The following PPP4R4 variants were observed in gnomAD, a reference collection of about 807,000 sequenced individuals.
The protein encoded by PPP4R4 is serine/threonine-protein phosphatase 4 regulatory subunit 4.
A neutral mutation model predicts 121.8 loss-of-function variants in PPP4R4; 70 were observed. The ratio of observed to expected loss-of-function variants is 0.57; its 90% CI spans 0.47 to 0.70. The LOEUF is 0.70. PPP4R4 is among the 30% of genes least tolerant of loss of function. The pLI, the probability that PPP4R4 is intolerant of heterozygous loss-of-function variation, is 0.00. For synonymous variants in PPP4R4, 348 were observed against 355.7 expected (o/e 0.98, Z 0.24); for missense variants, 875 against 1,033.6 (o/e 0.85, Z 2.10).
At chr14:94,176,228 T>C in intron 2 of PPP4R4, 101 bp downstream of exon 2, 2 of 997,700 alleles carry the variant, frequency 2.0e-6, no homozygotes, top group Non-Finnish European at 1.6e-6. Context: ...CAGATTTACT[T>C]AGCCACTTGA....
In PPP4R4 at chr14:94,174,555, C is replaced by G. The variant is rs778181112; in HGVS notation, c.90C>G (p.Ile30Met). 3.7e-6 allele frequency: 6 copies of G among 1,612,276 alleles called. No homozygotes were observed. The highest frequency in any genetic ancestry group is 5.1e-6 in the Non-Finnish European group (6 of 1,179,210). ...AGGACCTGCAGGAGCTCACCATCAT[C>G]GAGAGGCCGGTCCGCCGGAGCCTCA... ...YMEDLQELTI[I>M]ERPVRRSLKT... Residue 30 changes from isoleucine (I) to methionine (M), a missense_variant, in exon 1 of 25, where the codon ATC (isoleucine) becomes ATG (methionine). Physicochemically the swap from Ile to Met is conservative, Grantham distance 10. Transcript: ENST00000304338.
At chr14:94,259,164 A>C in intron 18 of PPP4R4, 131 bp from the exon 19 acceptor site, 2 of 1,417,898 alleles carry the variant, frequency 1.4e-6, no homozygotes, top group Non-Finnish European at 1.9e-6. Flanking sequence ...TGTGGGAATT[A>C]GGGGAGCTAC....
intron 24 of PPP4R4, among the ~76,000 whole-genome samples, chr14:94,277,051 C>T (rs1044897006): frequency 6.6e-6 from 1 of 152,172 alleles, no homozygotes; most frequent in African/African-American, 2.4e-5. Flanking sequence ...GTAATCCCAG[C>T]AATATGGGAG....
intron 4 of PPP4R4, 78 bp downstream of exon 4, chr14:94,230,812 T>G: frequency 7.0e-7 from 1 of 1,438,838 alleles, no homozygotes; most frequent in Non-Finnish European, 9.4e-7. Context: ...ATAAATACTG[T>G]TAGCCTGATG....
At chr14:94,204,978 T>C (rs1890384398) in intron 2 of PPP4R4, among the ~76,000 whole-genome samples, 1 of 152,204 alleles carries the variant, frequency 6.6e-6, no homozygotes, top group Non-Finnish European at 1.5e-5. Context: ...ATAAACTTCA[T>C]TTGATCATGG....
In PPP4R4 at chr14:94,175,974, C is replaced by G. The variant is rs575222039; in HGVS notation, c.118-80C>G. On this transcript the variant is annotated intron_variant, in intron 1 of 24. Coordinates refer to ENST00000304338, the MANE Select transcript of PPP4R4 (RefSeq NM_058237.2). ...TGAAACTTTTTCATTCGTTTATCCT[C>G]ATAGAGGGTCACTGGGAGGTTGGGG... is the stretch of plus-strand genomic sequence containing the variant. The G allele has an allele frequency of 2.9e-5, 31 of 1,076,538 alleles. No individual in the cohort carries two copies. In the African/African-American group the frequency reaches 4.6e-4, roughly 16 times the overall value. 66.7% of individuals were successfully genotyped at this position (1,076,538 alleles called of 1,614,324 possible).
intron 22 of PPP4R4, 61 bp downstream of exon 22, chr14:94,265,948 T>C (rs1276777676): frequency 2.8e-6 from 3 of 1,085,098 alleles, no homozygotes; most frequent in Non-Finnish European, 3.9e-6. Flanking sequence ...CATCTTCATA[T>C]ATATGAGTTT....
At chr14:94,275,248 A>G in intron 23 of PPP4R4, 126 bp from the exon 24 acceptor site, 1 of 1,093,338 alleles carries the variant, frequency 9.1e-7, no homozygotes, top group Non-Finnish European at 1.3e-6. Context: ...TGTTGTATGT[A>G]AATTATACCC....
chr14:94,266,755 A>C (rs1894071989), intron 22 of PPP4R4, among the ~76,000 whole-genome samples: 1 of 152,174 alleles, frequency 6.6e-6, no homozygotes, highest in South Asian at 2.1e-4. Context: ...CTGATGAAGC[A>C]AAAGTTTAAG....
At chr14:94,183,079 C>T (rs891303949) in intron 2 of PPP4R4, among the ~76,000 whole-genome samples, 1 of 152,146 alleles carries the variant, frequency 6.6e-6, no homozygotes, top group Non-Finnish European at 1.5e-5. Flanking sequence ...TAAGGTTTTA[C>T]TTGGCTACAC....
Position 94,258,835 on chromosome 14 carries a change from T to G in PPP4R4, c.2052+11T>G, listed in dbSNP as rs1893616866. On this transcript the variant is annotated intron_variant, in intron 18 of 24. Transcript: ENST00000304338. ...ATGTCTATGGATGCTGTAAGTATAC[T>G]CTCTTTACCTTATTGTGTTGGTCCA... 6 of 1,579,678 alleles carry G rather than the reference T, an allele frequency of 3.8e-6. No individual in the cohort carries two copies. Among genetic ancestry groups the G allele is most frequent in the Non-Finnish European group, 5.2e-6 (6 of 1,150,252 alleles).
chr14:94,187,362 C>A (rs1042611019), intron 2 of PPP4R4, among the ~76,000 whole-genome samples: 1 of 152,160 alleles, frequency 6.6e-6, no homozygotes, highest in Non-Finnish European at 1.5e-5. Flanking sequence ...TTCACATATT[C>A]ATTCCAACTT....
intron 8 of PPP4R4, 97 bp from the exon 9 acceptor site, chr14:94,240,576 T>C: frequency 1.5e-6 from 2 of 1,314,214 alleles, no homozygotes; most frequent in Non-Finnish European, 2.1e-6. Flanking sequence ...GCTAACATAG[T>C]AATTTTTCTT....
chr14:94,243,176 T>TG (rs1892720109), intron 11 of PPP4R4, among the ~76,000 whole-genome samples: 1 of 151,500 alleles, frequency 6.6e-6, no homozygotes, highest in Admixed American at 6.6e-5. Context: ...GTTGCTTAGA[T>TG]TTTTTTTTGG....
intron 2 of PPP4R4, among the ~76,000 whole-genome samples, chr14:94,187,369 A>G (rs576489000): frequency 6.6e-6 from 1 of 152,148 alleles, no homozygotes; most frequent in East Asian, 1.9e-4. Flanking sequence ...ATTCATTCCA[A>G]CTTTCTTTTG....
At chr14:94,195,318 G>T (rs936700679) in intron 2 of PPP4R4, among the ~76,000 whole-genome samples, 1 of 152,140 alleles carries the variant, frequency 6.6e-6, no homozygotes, top group African/African-American at 2.4e-5. Flanking sequence ...GAATCTCTGG[G>T]GGTGGGACCC....
At chr14:94,207,149 C>T (rs370461803) in intron 2 of PPP4R4, among the ~76,000 whole-genome samples, 15 of 152,142 alleles carry the variant, frequency 9.9e-5, no homozygotes, top group African/African-American at 2.4e-4. Context: ...AGACAATAAT[C>T]GCAGGTTCTA....
Position 94,246,526 on chromosome 14 carries a change from T to C in PPP4R4, c.1598T>C (p.Ile533Thr). The C allele has an allele frequency of 6.2e-7, 1 of 1,612,692 alleles. No homozygotes were observed. The highest frequency in any genetic ancestry group is 1.7e-5 in the Admixed American group (1 of 59,894). ...CGTTTCTTACAAAGAATGTTCACAA[T>C]CATGATGACAAATGTGAGCTCAGTA... The part of the protein sequence containing the change: ...YYRFLQRMFT[I>T]MMTNNVLPVQ... The change falls in exon 14 of 25, where the codon ATC becomes ACC. Residue 533 changes from isoleucine to threonine, a missense_variant. Physicochemically the swap from Ile to Thr is moderately conservative, Grantham distance 89. Coordinates refer to ENST00000304338, the MANE Select transcript of PPP4R4 (RefSeq NM_058237.2).
chr14:94,276,458 A>G (rs1460507769), intron 24 of PPP4R4, among the ~76,000 whole-genome samples: 1 of 152,240 alleles, frequency 6.6e-6, no homozygotes, highest in Non-Finnish European at 1.5e-5. Context: ...GCATAGCGGC[A>G]TCTGCTTCTG....
Sources: allele counts gnomAD v4.1 joint callset (sites outside exome capture counted in the v4.1 genomes callset), GRCh38; gene constraint gnomAD v4.1.1; transcripts MANE v1.5; gene names NCBI Gene and HGNC (gene_info 2026-07-23, HGNC 2026-07-21).